The following C8orf34 variants were observed in gnomAD, a reference collection of about 807,000 sequenced individuals.
C8orf34 encodes the protein chromosome 8 open reading frame 34, also known as uncharacterized protein C8orf34.
Under a neutral mutation model 68.3 loss-of-function variants are expected in C8orf34, and 65 were observed. The ratio of observed to expected loss-of-function variants is 0.95; its 90% CI spans 0.78 to 1.17. C8orf34 has a LOEUF of 1.17. Among genes scored for constraint, C8orf34 ranks in the 50% most tolerant of loss-of-function variants. The probability of loss-of-function intolerance (pLI) is 0.00; values close to 1 mark genes in which losing one functional copy is unlikely to be tolerated. For synonymous variants in C8orf34, 244 were observed against 241.2 expected (o/e 1.01, Z -0.11); for missense variants, 664 against 655.4 (o/e 1.01, Z -0.14).
chr8:68,379,645 A>G (rs1187305398), intron 1 of C8orf34, among the ~76,000 whole-genome samples: 1 of 151,994 alleles, frequency 6.6e-6, no homozygotes, highest in Non-Finnish European at 1.5e-5. Context: ...TTGCAATATT[A>G]TCTCATTCCT....
intron 7 of C8orf34, among the ~76,000 whole-genome samples, chr8:68,561,745 A>G (rs1045257890): frequency 1.1e-4 from 16 of 152,188 alleles, no homozygotes; most frequent in Admixed American, 5.2e-4. Context: ...ACGACAGGGC[A>G]AGACTTCATC....
At chr8:68,626,115 A>G (rs1818531381) in intron 7 of C8orf34, among the ~76,000 whole-genome samples, 1 of 152,116 alleles carries the variant, frequency 6.6e-6, no homozygotes, top group Non-Finnish European at 1.5e-5. Context: ...GATGAGAGAG[A>G]GGAAGGGAAG....
chr8:68,410,745 C>G (rs1426323723), intron 1 of C8orf34, among the ~76,000 whole-genome samples: 1 of 152,174 alleles, frequency 6.6e-6, no homozygotes, highest in Admixed American at 6.5e-5. Flanking sequence ...GAGTTCAATA[C>G]CATTCCAGAA....
chr8:68,519,069 G>A (rs969576831), intron 5 of C8orf34, among the ~76,000 whole-genome samples: 3 of 152,076 alleles, frequency 2.0e-5, no homozygotes, highest in Non-Finnish European at 2.9e-5. Flanking sequence ...ACGATCAAGC[G>A]TATTAAAGTA....
chr8:68,731,576 T>C (rs1821978880), intron 10 of C8orf34, among the ~76,000 whole-genome samples: 1 of 152,210 alleles, frequency 6.6e-6, no homozygotes. Flanking sequence ...ATTTACATTA[T>C]ATCATAAGCA....
chr8:68,499,813 A>T (rs898570408), intron 5 of C8orf34, among the ~76,000 whole-genome samples: 1 of 152,172 alleles, frequency 6.6e-6, no homozygotes, highest in Non-Finnish European at 1.5e-5. Flanking sequence ...GAATATTGAT[A>T]TAGGATGTTT....
At chr8:68,781,787 T>A (rs879544790) in intron 11 of C8orf34, among the ~76,000 whole-genome samples, 1 of 152,220 alleles carries the variant, frequency 6.6e-6, no homozygotes, top group Non-Finnish European at 1.5e-5. Flanking sequence ...ATCTTTATGA[T>A]TACAATAATT....
At chr8:68,747,267 C>T (rs1822534157) in intron 10 of C8orf34, among the ~76,000 whole-genome samples, 1 of 151,090 alleles carries the variant, frequency 6.6e-6, no homozygotes, top group South Asian at 2.1e-4. Flanking sequence ...GACAAATCCA[C>T]AGCCAATATC....
chr8:68,589,838 TAA>T (rs1563547619), intron 7 of C8orf34, among the ~76,000 whole-genome samples: 1 of 85,212 alleles, frequency 1.2e-5, no homozygotes, highest in Non-Finnish European at 2.2e-5. Context: ...AGGAAGGAAG[TAA>T]AAAGAAAAAG....
At chr8:68,724,838 A>T (rs1382761918) in intron 10 of C8orf34, among the ~76,000 whole-genome samples, 1 of 152,082 alleles carries the variant, frequency 6.6e-6, no homozygotes, top group Admixed American at 6.6e-5. Flanking sequence ...ATGATTTTGG[A>T]TTGCATAATT....
intron 1 of C8orf34, among the ~76,000 whole-genome samples, chr8:68,394,576 G>A (rs2676658): frequency 0.69 from 104,663 of 151,816 alleles, 36,383 homozygotes; most frequent in African/African-American, 0.78. Flanking sequence ...TTTGGCAATT[G>A]TTGACTTGTT....
At chr8:68,787,628 C>A in intron 12 of C8orf34, 92 bp downstream of exon 12, 17 of 768,728 alleles carry the variant, frequency 2.2e-5, no homozygotes, top group Middle Eastern at 2.6e-4. Context: ...TAAACAACTT[C>A]TGTAAAAAAA....
intron 5 of C8orf34, among the ~76,000 whole-genome samples, chr8:68,493,624 T>C (rs369623383): frequency 1.3e-5 from 2 of 152,216 alleles, no homozygotes; most frequent in Non-Finnish European, 2.9e-5. Flanking sequence ...GTTTGAATGT[T>C]TGTATCTTTC....
intron 5 of C8orf34, among the ~76,000 whole-genome samples, chr8:68,510,443 T>TAA (rs1814217102): frequency 6.6e-6 from 1 of 152,074 alleles, no homozygotes; most frequent in Admixed American, 6.6e-5. Context: ...TTAACCCAGG[T>TAA]TTTTACATTA....
At position 68,453,488 on chromosome 8, in the gene C8orf34, G is replaced by A. The variant is rs150864711; in HGVS notation, c.607+7028G>A. 7.9e-3 allele frequency among the ~76,000 whole-genome samples: 1,200 copies of A among 152,060 alleles called. 15 individuals carry two copies. Among genetic ancestry groups the A allele is most frequent in the African/African-American group, 0.026 (1,091 of 41,520 alleles). On this transcript the variant is annotated intron_variant, in intron 3 of 13. Transcript: ENST00000518698. The stretch of plus-strand genomic sequence containing the variant: ...AGTTTTTGGTGTACAAGACTGGCAT[G>A]TCCTTGGTTAAATTTATTCCAGAGG...
chr8:68,648,239 G>A (rs1819238195), intron 8 of C8orf34, among the ~76,000 whole-genome samples: 1 of 152,132 alleles, frequency 6.6e-6, no homozygotes, highest in Non-Finnish European at 1.5e-5. Context: ...TACAAAGTAA[G>A]CCATATCAAA....
intron 10 of C8orf34, among the ~76,000 whole-genome samples, chr8:68,747,105 A>G (rs1000702270): frequency 6.6e-6 from 1 of 152,156 alleles, no homozygotes; most frequent in South Asian, 2.1e-4. Flanking sequence ...AATGTAATCC[A>G]GCATGTAAAC....
intron 11 of C8orf34, 134 bp downstream of exon 11, chr8:68,776,583 C>T (rs1823526460): frequency 1.6e-6 from 1 of 632,588 alleles, no homozygotes; most frequent in Non-Finnish European, 2.7e-6. Context: ...TCCACAAAAA[C>T]AGGATAATAA....
At chr8:68,495,716 G>T (rs1473738647) in intron 5 of C8orf34, among the ~76,000 whole-genome samples, 1 of 152,256 alleles carries the variant, frequency 6.6e-6, no homozygotes, top group Non-Finnish European at 1.5e-5. Flanking sequence ...CACATAGTAA[G>T]TGGAGGAGCT....
Sources: gnomAD v4.1 joint callset for allele counts (sites outside exome capture counted in the v4.1 genomes callset) on GRCh38, gnomAD v4.1.1 for gene constraint, MANE v1.5 for transcripts, NCBI Gene and HGNC (gene_info 2026-07-23, HGNC 2026-07-21) for gene names.